Variants in ADAMTS19 observed in about 807,000 individuals in gnomAD.
ADAMTS19 encodes the protein ADAM metallopeptidase with thrombospondin type 1 motif 19, also known as A disintegrin and metalloproteinase with thrombospondin motifs 19.
A neutral mutation model predicts 153.3 loss-of-function variants in ADAMTS19; 93 were observed. That is an observed-to-expected ratio of 0.61 (90% confidence interval 0.51 to 0.72). The LOEUF is 0.72. Ranked by LOEUF, ADAMTS19 falls within the 30% of genes least tolerant of loss-of-function variation. The pLI is 0.00. For synonymous variants in ADAMTS19, 600 were observed against 556.6 expected (o/e 1.08, Z -1.10); for missense variants, 1,482 against 1,552.1 (o/e 0.95, Z 0.76).
intron 2 of ADAMTS19, among the ~76,000 whole-genome samples, chr5:129,468,495 A>G (rs1310513409): frequency 6.6e-6 from 1 of 151,926 alleles, no homozygotes; most frequent in Non-Finnish European, 1.5e-5. Context: ...CTGGGACTAC[A>G]GGCGCGCACC....
At chr5:129,735,635 T>C (rs2127229273) in intron 22 of ADAMTS19, among the ~76,000 whole-genome samples, 1 of 152,182 alleles carries the variant, frequency 6.6e-6, no homozygotes, top group East Asian at 1.9e-4. Context: ...AAATAAAAAA[T>C]ACATTCTAGT....
At chr5:129,548,412 A>T (rs1267945367) in intron 6 of ADAMTS19, among the ~76,000 whole-genome samples, 1 of 152,046 alleles carries the variant, frequency 6.6e-6, no homozygotes, top group African/African-American at 2.4e-5. Context: ...TGCAGCCAAA[A>T]AACACATGAA....
intron 21 of ADAMTS19, among the ~76,000 whole-genome samples, chr5:129,729,902 T>G (rs1757363983): frequency 6.6e-6 from 1 of 152,098 alleles, no homozygotes; most frequent in African/African-American, 2.4e-5. Flanking sequence ...ATTATGGGCC[T>G]CTTTGAAATA....
intron 21 of ADAMTS19, among the ~76,000 whole-genome samples, chr5:129,725,288 A>G (rs906482929): frequency 6.6e-6 from 1 of 152,084 alleles, no homozygotes; most frequent in African/African-American, 2.4e-5. Flanking sequence ...GGGGTGTTAT[A>G]TGTTGGCATG....
At chr5:129,510,942 T>G (rs1414048495) in intron 3 of ADAMTS19, among the ~76,000 whole-genome samples, 1 of 151,194 alleles carries the variant, frequency 6.6e-6, no homozygotes, top group African/African-American at 2.4e-5. Context: ...ATGTAAGGAG[T>G]GCTAAGCTAT....
intron 3 of ADAMTS19, among the ~76,000 whole-genome samples, chr5:129,511,521 A>G (rs1751437905): frequency 6.6e-6 from 1 of 151,506 alleles, no homozygotes; most frequent in Admixed American, 6.6e-5. Context: ...GAGATAAATG[A>G]CACAGTTTCT....
chr5:129,605,571 CT>C (rs932531479), intron 8 of ADAMTS19, among the ~76,000 whole-genome samples: 6 of 152,178 alleles, frequency 3.9e-5, no homozygotes, highest in Non-Finnish European at 8.8e-5. Flanking sequence ...CCTTATTCCC[CT>C]TTGCCTTCCT....
chr5:129,705,943 T>C (rs1444301528), intron 21 of ADAMTS19, among the ~76,000 whole-genome samples: 3 of 152,248 alleles, frequency 2.0e-5, no homozygotes, highest in African/African-American at 4.8e-5. Context: ...AAGCTATATG[T>C]ATAACAACTT....
At chr5:129,643,317 G>C (rs1752890076) in intron 11 of ADAMTS19, among the ~76,000 whole-genome samples, 1 of 134,290 alleles carries the variant, frequency 7.4e-6, no homozygotes, top group African/African-American at 2.9e-5. Flanking sequence ...AGCCGAGACT[G>C]CACCACTGCA....
At chr5:129,678,808 T>G (rs1212380965) in intron 16 of ADAMTS19, among the ~76,000 whole-genome samples, 1 of 152,158 alleles carries the variant, frequency 6.6e-6, no homozygotes, top group Non-Finnish European at 1.5e-5. Flanking sequence ...AGATAAAAAC[T>G]TGGAAATCTT....
intron 3 of ADAMTS19, among the ~76,000 whole-genome samples, chr5:129,513,779 G>C (rs1581025283): frequency 6.6e-6 from 1 of 152,046 alleles, no homozygotes; most frequent in East Asian, 1.9e-4. Flanking sequence ...TATGCGTTGA[G>C]ATACAAATAA....
chr5:129,515,969 C>A (rs1751592060), intron 3 of ADAMTS19, among the ~76,000 whole-genome samples: 1 of 151,740 alleles, frequency 6.6e-6, no homozygotes, highest in South Asian at 2.1e-4. Flanking sequence ...CTTCTATCCC[C>A]AGTTTTTTGA....
At chr5:129,509,730 TA>T (rs1751376609) in intron 3 of ADAMTS19, among the ~76,000 whole-genome samples, 1 of 152,004 alleles carries the variant, frequency 6.6e-6, no homozygotes, top group South Asian at 2.1e-4. Flanking sequence ...AGTAAAGATT[TA>T]TACGTTCGAA....
At chr5:129,658,502 A>G (rs1378025526) in intron 14 of ADAMTS19, 115 bp from the exon 15 acceptor site, 4 of 1,038,012 alleles carry the variant, frequency 3.9e-6, no homozygotes, top group Non-Finnish European at 4.1e-6. Context: ...ATGACATTTC[A>G]TAAGTTTTAC....
At chr5:129,684,815 G>A (rs548110196) in intron 18 of ADAMTS19, among the ~76,000 whole-genome samples, 20 of 152,010 alleles carry the variant, frequency 1.3e-4, no homozygotes, top group African/African-American at 3.1e-4. Context: ...GCGAAACCCC[G>A]TCTCTACAAA....
rs140770070 is a variant in ADAMTS19 at position 129,520,187 on chromosome 5, T to G, written c.914-6097T>G. On this transcript the variant is annotated intron_variant, in intron 3 of 22. Coordinates refer to ENST00000274487, the MANE Select transcript of ADAMTS19 (RefSeq NM_133638.6). ...CCTGCCTCTAAGTCTCCTGGTTTTC[T>G]TCAAAACTTTCTCTTCTTTTCCTTT... Among the ~76,000 whole-genome samples, 732 of 152,196 alleles carry G rather than the reference T, an allele frequency of 4.8e-3. 4 individuals carry two copies. The highest frequency in any genetic ancestry group is 6.8e-3 in the Non-Finnish European group (460 of 68,012).
intron 2 of ADAMTS19, among the ~76,000 whole-genome samples, chr5:129,495,152 G>A (rs1750888875): frequency 6.6e-6 from 1 of 151,928 alleles, no homozygotes; most frequent in Admixed American, 6.6e-5. Flanking sequence ...CATTTCTGAA[G>A]GTTTGAGGAA....
chr5:129,704,670 A>T (rs954990398), intron 21 of ADAMTS19, among the ~76,000 whole-genome samples: 36 of 152,206 alleles, frequency 2.4e-4, no homozygotes, highest in Non-Finnish European at 4.4e-4. Context: ...TTAATTATTC[A>T]TATAGTTCTC....
At chr5:129,560,519 C>G (rs916242762) in intron 7 of ADAMTS19, among the ~76,000 whole-genome samples, 2 of 152,206 alleles carry the variant, frequency 1.3e-5, no homozygotes, top group African/African-American at 4.8e-5. Flanking sequence ...CACATCAGTG[C>G]CAGCTCAGAA....
Sources: gnomAD v4.1 joint callset for allele counts (sites outside exome capture counted in the v4.1 genomes callset) on GRCh38, gnomAD v4.1.1 for gene constraint, MANE v1.5 for transcripts, NCBI Gene and HGNC (gene_info 2026-07-23, HGNC 2026-07-21) for gene names.